Variants in ITPR1 observed in about 807,000 individuals in gnomAD.
ITPR1 encodes the protein inositol 1,4,5-trisphosphate-gated calcium channel ITPR1.
A neutral mutation model predicts 318.4 loss-of-function variants in ITPR1; 96 were observed. That is an observed-to-expected ratio of 0.30 (90% CI 0.26 to 0.36). The LOEUF (loss-of-function observed/expected upper bound fraction) is 0.36. ITPR1 is among the 10% of genes least tolerant of loss of function. The pLI is 1.00. For missense variants in ITPR1, 2,440 were observed against 3,460.2 expected (o/e 0.71, Z 7.40); for synonymous variants, 1,312 against 1,289.9 (o/e 1.02, Z -0.37).
chr3:4,646,365 T>C (rs998919726), intron 10 of ITPR1, among the ~76,000 whole-genome samples: 1 of 152,178 alleles, frequency 6.6e-6, no homozygotes, highest in African/African-American at 2.4e-5. Context: ...GCAGGATGAT[T>C]TGTATTTCAG....
chr3:4,771,927 A>G (rs2125382175), intron 46 of ITPR1, among the ~76,000 whole-genome samples: 1 of 152,096 alleles, frequency 6.6e-6, no homozygotes, highest in South Asian at 2.1e-4. Flanking sequence ...CTCACCTACG[A>G]GACCCCTGGG....
chr3:4,518,168 C>T (rs943067011), intron 3 of ITPR1, among the ~76,000 whole-genome samples: 2 of 152,158 alleles, frequency 1.3e-5, no homozygotes, highest in African/African-American at 4.8e-5. Flanking sequence ...CTCCCTCCTC[C>T]TTGACTGTGC....
In ITPR1 at chr3:4,766,699, C is replaced by T; in HGVS notation, c.5714C>T (p.Ser1905Leu). The T allele has an allele frequency of 6.3e-7, 1 of 1,594,334 alleles. No homozygotes were observed. The highest frequency in any genetic ancestry group is 2.2e-5 in the East Asian group (1 of 44,640). ...KDDEVDRDAP[S>L]RKKAKEPTTQ... The stretch of plus-strand genomic sequence containing the variant: ...GATGAGGTAGACAGGGATGCCCCAT[C>T]ACGGAAAAAAGGTAAATGTTCCTCA... Residue 1905 changes from serine to leucine, a missense_variant, in exon 45 of 62, where the codon TCA becomes TTA. Transcript: ENST00000649015.
At chr3:4,822,096 A>T (rs1333391460) in intron 60 of ITPR1, among the ~76,000 whole-genome samples, 1 of 152,184 alleles carries the variant, frequency 6.6e-6, no homozygotes, top group African/African-American at 2.4e-5. Context: ...TGGGCAAGTC[A>T]CGGGACTTTG....
chr3:4,655,376 G>A (rs2093682799), intron 12 of ITPR1, among the ~76,000 whole-genome samples: 1 of 152,138 alleles, frequency 6.6e-6, no homozygotes, highest in African/African-American at 2.4e-5. Flanking sequence ...TGGTACAGGA[G>A]GGAAGACTGG....
At chr3:4,667,570 A>G (rs1229035057) in intron 18 of ITPR1, 21 bp downstream of exon 18, 9 of 1,601,804 alleles carry the variant, frequency 5.6e-6, no homozygotes, top group East Asian at 2.2e-5. Context: ...AGTGGGGTCC[A>G]TGCAGGATGG....
At chr3:4,790,767 G>C (rs2047505311) in intron 52 of ITPR1, among the ~76,000 whole-genome samples, 1 of 152,220 alleles carries the variant, frequency 6.6e-6, no homozygotes, top group Non-Finnish European at 1.5e-5. Context: ...GTCTGAGACT[G>C]ATGGGGCTTA....
At chr3:4,527,658 G>A (rs879839531) in intron 4 of ITPR1, among the ~76,000 whole-genome samples, 3 of 152,142 alleles carry the variant, frequency 2.0e-5, no homozygotes, top group East Asian at 1.9e-4. Context: ...ACATATGCCC[G>A]GCTAGAAATA....
chr3:4,626,075 G>T (rs1257411937), intron 4 of ITPR1, among the ~76,000 whole-genome samples: 1 of 152,024 alleles, frequency 6.6e-6, no homozygotes, highest in Non-Finnish European at 1.5e-5. Flanking sequence ...GGAGTTCCAG[G>T]CTGTAGTGTG....
intron 33 of ITPR1, 46 bp from the exon 34 acceptor site, chr3:4,697,101 T>A (rs1490943263): frequency 1.3e-6 from 2 of 1,598,726 alleles, no homozygotes; most frequent in Non-Finnish European, 1.7e-6. Flanking sequence ...ATGAGTTCCA[T>A]ACACACCAAG....
chr3:4,800,354 A>G, intron 53 of ITPR1, 71 bp from the exon 54 acceptor site: 4 of 1,481,658 alleles, frequency 2.7e-6, no homozygotes, highest in African/African-American at 1.4e-5. Flanking sequence ...GTAACAGTGC[A>G]TGTTTTAGGT....
Position 4,675,185 on chromosome 3 carries a change from C to T in ITPR1, c.2716C>T (p.Pro906Ser). ...LDCVHVTTIF[P>S]ISKMAKGEEN... The stretch of plus-strand genomic sequence containing the variant: ...CTGTGTACATGTGACAACAATCTTC[C>T]CCATTAGCAAGATGGCGAAAGGAGA... Residue 906 changes from proline (P) to serine (S), a missense_variant, in exon 23 of 62, where the codon CCC becomes TCC. Physicochemically the swap from Pro to Ser is moderately conservative, Grantham distance 74. Coordinates refer to ENST00000649015, the MANE Select transcript of ITPR1 (RefSeq NM_001378452.1). 1.9e-6 allele frequency: 3 copies of T among 1,612,000 alleles called. No individual in the cohort carries two copies. The highest frequency in any genetic ancestry group is 2.5e-6 in the Non-Finnish European group (3 of 1,178,876).
At chr3:4,834,068 T>C (rs1010519678) in intron 60 of ITPR1, among the ~76,000 whole-genome samples, 2 of 152,142 alleles carry the variant, frequency 1.3e-5, no homozygotes, top group Admixed American at 6.5e-5. Context: ...ATTATTTTTA[T>C]TTTTTATAGA....
chr3:4,806,241 G>T lies in ITPR1; in HGVS notation c.7246G>T (p.Val2416Phe). ...GGTGATCTGTGCCATGGGGCTCTTT[G>T]TCCATGAATTCTTCTACAGTCTGCT... ...YLVICAMGLFVHEFFYSLLLF... is the reference protein window; with the variant it reads ...YLVICAMGLFFHEFFYSLLLF... The change falls in exon 55 of 62, where the codon GTC becomes TTC. Residue 2416 changes from valine to phenylalanine, a missense_variant. Val to Phe is a conservative substitution (Grantham distance 50). Around this residue, in one of 23 missense-constraint regions of ITPR1, gnomAD observed 126 missense variants for 150.8 expected, o/e 0.84. Transcript: ENST00000649015. 6.2e-7 allele frequency: 1 copy of T among 1,613,994 alleles called. No homozygotes were observed.
In ITPR1 at chr3:4,545,490, G is replaced by A. The variant is rs149748441; in HGVS notation, c.163+24396G>A. Among the ~76,000 whole-genome samples the A allele has an allele frequency of 1.7e-3, 265 of 152,068 alleles. 2 individuals are homozygous for A. Among genetic ancestry groups the A allele is most frequent in the African/African-American group, 6.1e-3 (252 of 41,486 alleles). ...ATAGAATAATTTGTTGGGCTTGGTG[G>A]CACATGCCTGTGGTCCCAGCTACTG... On this transcript the variant is annotated intron_variant, in intron 4 of 61. Coordinates refer to ENST00000649015, the MANE Select transcript of ITPR1 (RefSeq NM_001378452.1).
intron 17 of ITPR1, among the ~76,000 whole-genome samples, chr3:4,665,726 T>TCTAA: frequency 6.6e-6 from 1 of 152,182 alleles, no homozygotes; most frequent in East Asian, 1.9e-4. Context: ...TCTAAGTCAT[T>TCTAA]GTCTATAGAG....
At chr3:4,742,481 G>A (rs2043781349) in intron 44 of ITPR1, among the ~76,000 whole-genome samples, 1 of 152,108 alleles carries the variant, frequency 6.6e-6, no homozygotes, top group South Asian at 2.1e-4. Flanking sequence ...CATCCCACTG[G>A]TTCCTGACTT....
chr3:4,721,250 G>A (rs1181814790), intron 40 of ITPR1, among the ~76,000 whole-genome samples: 4 of 147,826 alleles, frequency 2.7e-5, no homozygotes, highest in Non-Finnish European at 5.9e-5. Flanking sequence ...GTATAATTTG[G>A]TCATGTCAGA....
intron 44 of ITPR1, among the ~76,000 whole-genome samples, chr3:4,758,602 A>G (rs1306203392): frequency 2.6e-5 from 4 of 152,118 alleles, no homozygotes; most frequent in Non-Finnish European, 5.9e-5. Flanking sequence ...CATGGAGAAG[A>G]TTTGTCTCTC....
Sources: allele counts gnomAD v4.1 joint callset (sites outside exome capture counted in the v4.1 genomes callset), GRCh38; gene constraint gnomAD v4.1.1; regional missense constraint gnomAD v4.1.1; transcripts MANE v1.5; gene names NCBI Gene and HGNC (gene_info 2026-07-23, HGNC 2026-07-21).